Variants in DGKB observed in about 807,000 individuals in gnomAD.
DGKB encodes the protein 90 kDa diacylglycerol kinase.
Under a neutral mutation model 114.3 loss-of-function variants are expected in DGKB, and 67 were observed. The ratio of observed to expected loss-of-function variants is 0.59; its 90% confidence interval spans 0.48 to 0.72. The LOEUF is 0.72. Among genes scored for constraint, DGKB ranks in the 30% least tolerant of loss-of-function variants. DGKB has a pLI of 0.00. For synonymous variants in DGKB, 398 were observed against 323.1 expected (o/e 1.23, Z -2.49); for missense variants, 907 against 975.2 (o/e 0.93, Z 0.93).
intron 23 of DGKB, among the ~76,000 whole-genome samples, chr7:14,214,014 A>G (rs1709405436): frequency 6.6e-6 from 1 of 151,570 alleles, no homozygotes; most frequent in Non-Finnish European, 1.5e-5. Context: ...CTTGCCATTT[A>G]TCTCTTCCCA....
intron 23 of DGKB, among the ~76,000 whole-genome samples, chr7:14,315,716 CA>C (rs1806347465): frequency 6.6e-6 from 1 of 150,380 alleles, no homozygotes; most frequent in African/African-American, 2.5e-5. Context: ...CAACATTAGA[CA>C]GATCAACGGG....
At chr7:14,313,574 C>T (rs7787097) in intron 23 of DGKB, among the ~76,000 whole-genome samples, 1,913 of 152,272 alleles carry the variant, frequency 0.013, 42 homozygotes, top group African/African-American at 0.043. Flanking sequence ...GCTTTTCCGA[C>T]GGGCTTAAAA....
At chr7:14,277,782 A>G (rs946803316) in intron 23 of DGKB, among the ~76,000 whole-genome samples, 2 of 152,186 alleles carry the variant, frequency 1.3e-5, no homozygotes. Context: ...TTGGATATAT[A>G]CCCGAGGTAG....
chr7:14,486,755 G>T (rs1783873045), intron 20 of DGKB, among the ~76,000 whole-genome samples: 1 of 152,174 alleles, frequency 6.6e-6, no homozygotes, highest in Admixed American at 6.5e-5. Context: ...AATGCTTATG[G>T]TAGAATGGAG....
intron 20 of DGKB, among the ~76,000 whole-genome samples, chr7:14,538,085 CAA>C (rs58405374): frequency 0.031 from 1,402 of 44,634 alleles, 8 homozygotes; most frequent in African/African-American, 0.063. Context: ...ATCTCTGTCT[CAA>C]AAAAAAAAAA....
chr7:14,333,004 T>C (rs1378364016), intron 23 of DGKB, among the ~76,000 whole-genome samples: 2 of 152,306 alleles, frequency 1.3e-5, no homozygotes, highest in African/African-American at 2.4e-5. Context: ...AATTTGAATA[T>C]AATTACTTTC....
intron 23 of DGKB, among the ~76,000 whole-genome samples, chr7:14,337,419 A>G (rs1389074083): frequency 6.6e-6 from 1 of 152,124 alleles, no homozygotes; most frequent in Admixed American, 6.6e-5. Context: ...AGGGCATCAA[A>G]ACCACCTGTC....
chr7:14,462,946 C>T (rs1206640239), intron 21 of DGKB, among the ~76,000 whole-genome samples: 5 of 152,078 alleles, frequency 3.3e-5, no homozygotes, highest in African/African-American at 1.2e-4. Flanking sequence ...CACACATTTA[C>T]AACCATCTGA....
chr7:14,478,252 A>C (rs754772032), intron 20 of DGKB, 27 bp from the exon 21 acceptor site: 36 of 1,427,580 alleles, frequency 2.5e-5, no homozygotes, highest in Non-Finnish European at 3.3e-5. Flanking sequence ...GAAAACAAAA[A>C]CAGGATGGTT....
intron 13 of DGKB, among the ~76,000 whole-genome samples, chr7:14,641,893 G>A (rs2128875732): frequency 1.3e-5 from 2 of 152,122 alleles, no homozygotes; most frequent in Middle Eastern, 6.8e-3. Context: ...CCAAAAAATT[G>A]CATGCAAATT....
chr7:14,574,992 G>C (rs1192574876), intron 19 of DGKB, among the ~76,000 whole-genome samples: 1 of 152,100 alleles, frequency 6.6e-6, no homozygotes, highest in African/African-American at 2.4e-5. Context: ...CAGTGCTGCT[G>C]CTTATGCCTG....
chr7:14,355,117 G>C (rs1309445992), intron 21 of DGKB, among the ~76,000 whole-genome samples: 1 of 151,994 alleles, frequency 6.6e-6, no homozygotes, highest in Non-Finnish European at 1.5e-5. Flanking sequence ...CCATTCACCA[G>C]TTGACTTTCT....
chr7:14,264,187 T>C (rs1368458244), intron 23 of DGKB, among the ~76,000 whole-genome samples: 2 of 152,212 alleles, frequency 1.3e-5, no homozygotes, highest in African/African-American at 2.4e-5. Context: ...GGATTGACTG[T>C]TATATGTTCT....
At chr7:14,784,702 T>G (rs1396070832) in intron 2 of DGKB, among the ~76,000 whole-genome samples, 1 of 152,216 alleles carries the variant, frequency 6.6e-6, no homozygotes, top group East Asian at 1.9e-4. Context: ...ATTAGGATTT[T>G]TGTTATCTAT....
intron 20 of DGKB, among the ~76,000 whole-genome samples, chr7:14,553,723 G>A (rs1369669208): frequency 2.6e-5 from 4 of 152,086 alleles, no homozygotes; most frequent in African/African-American, 7.2e-5. Flanking sequence ...ATTACCCACA[G>A]TCCCACCACA....
rs772224370 is a variant in DGKB, at chr7:14,816,083, C to A, written c.70+25111G>T. ...CAGTGGCTCACGTCTGTAATCCCAG[C>A]ACTTTGGGAGGACGAGGCGGGCAGA... On this transcript the variant is annotated intron_variant, in intron 2 of 25. Coordinates refer to ENST00000402815, the MANE Select transcript of DGKB (RefSeq NM_001350709.2). 8.5e-5 allele frequency among the ~76,000 whole-genome samples: 13 copies of A among 152,120 alleles called. No homozygotes were observed. The East Asian group carries it at 1.3e-3, about 16-fold the overall frequency.
At chr7:14,906,609 A>G (rs923464345), upstream of DGKB, among the ~76,000 whole-genome samples, 5 of 151,926 alleles carry the variant, frequency 3.3e-5, no homozygotes, top group African/African-American at 1.2e-4. Context: ...GCATGCCACC[A>G]TGCCCAGCTA....
chr7:14,176,722 G>C (rs1438864013), intron 25 of DGKB, 117 bp downstream of exon 25: 5 of 1,527,378 alleles, frequency 3.3e-6, no homozygotes, highest in African/African-American at 1.4e-5. Context: ...ACAACAAAAA[G>C]ACTATTTGCT....
intron 17 of DGKB, among the ~76,000 whole-genome samples, chr7:14,604,881 T>C (rs1313373229): frequency 6.6e-6 from 1 of 152,150 alleles, no homozygotes; most frequent in Non-Finnish European, 1.5e-5. Flanking sequence ...CTAACAGAAG[T>C]CTGAGTCTGA....
Sources: gnomAD v4.1 joint callset for allele counts (sites outside exome capture counted in the v4.1 genomes callset) on GRCh38, gnomAD v4.1.1 for gene constraint, MANE v1.5 for transcripts, NCBI Gene and HGNC (gene_info 2026-07-23, HGNC 2026-07-21) for gene names.